Variants in PSMA6 observed in about 807,000 individuals in gnomAD.
PSMA6 encodes proteasome 20S subunit alpha 6.
For synonymous variants in PSMA6, 88 were observed against 97.7 expected (o/e 0.90, Z 0.59); for missense variants, 170 against 294.8 (o/e 0.58, Z 3.10).
At chr14:35,312,858 A>T (rs745393859) in intron 4 of PSMA6, 23 bp from the exon 5 acceptor site, 9 of 1,559,762 alleles carry the variant, frequency 5.8e-6, no homozygotes, top group South Asian at 1.2e-5. Context: ...AAAACATTTA[A>T]TTAGGGTCTT....
intron 3 of PSMA6, among the ~76,000 whole-genome samples, chr14:35,309,718 C>T (rs1339025182): frequency 6.6e-6 from 1 of 152,222 alleles, no homozygotes; most frequent in Admixed American, 6.5e-5. Context: ...ATTGCTTGAA[C>T]TCGGGAGGCA....
In PSMA6 at chr14:35,310,819, G is replaced by A. The variant is rs1566562023; in HGVS notation, c.333G>A (p.Val111=). The part of the protein sequence containing the change: ...WKYKYGYEIP[V]DMLCKRIADI... ...ACAAGTATGGCTATGAGATTCCTGT[G>A]GACATGCTGTGTAAAAGAATTGCCG... Residue 111 remains valine, a synonymous_variant, in exon 4 of 7, where the codon GTG becomes GTA. Coordinates refer to ENST00000261479, the MANE Select transcript of PSMA6 (RefSeq NM_002791.3). The A allele has an allele frequency of 1.2e-6, 2 of 1,613,488 alleles. No homozygotes were observed. The highest frequency in any genetic ancestry group is 2.2e-5 in the East Asian group (1 of 44,884).
chr14:35,300,997 C>T (rs2051700658), intron 1 of PSMA6, among the ~76,000 whole-genome samples: 1 of 152,200 alleles, frequency 6.6e-6, no homozygotes. Context: ...ATTATAAGTC[C>T]AGAGCTAGAG....
chr14:35,292,276 A>G (rs1594376588), upstream of PSMA6: 6 of 1,384,022 alleles, frequency 4.3e-6, no homozygotes, highest in African/African-American at 7.5e-5. Flanking sequence ...TCCCGCCCTC[A>G]CTCCACCACC....
chr14:35,308,832 A>G lies in PSMA6; in HGVS notation c.172-82A>G, dbSNP rs1012556702. On this transcript the variant is annotated intron_variant, in intron 2 of 6. Transcript: ENST00000261479. ...TTGTTTTCTCCAAGAAGCAGGGCAA[A>G]TTAAAAACATAATTTTTTTTATAAC... 23 of 1,010,130 alleles carry G rather than the reference A, an allele frequency of 2.3e-5. No individual in the cohort carries two copies. In the Admixed American group the frequency reaches 4.5e-4, roughly 20 times the overall value. The allele number at this position is 1,010,130 out of a possible 1,614,324, so 62.6% of individuals were successfully genotyped here.
At chr14:35,296,746 TA>T (rs1472275445) in intron 1 of PSMA6, among the ~76,000 whole-genome samples, 1 of 152,202 alleles carries the variant, frequency 6.6e-6, no homozygotes, top group Non-Finnish European at 1.5e-5. Context: ...TTTTGCAATT[TA>T]AAAAATATTC....
At chr14:35,292,011 A>T (rs764278054), upstream of PSMA6, among the ~76,000 whole-genome samples, 16 of 152,094 alleles carry the variant, frequency 1.1e-4, no homozygotes, top group Non-Finnish European at 1.9e-4. Context: ...ATGAAAGTGG[A>T]GGATAAAAGA....
At chr14:35,303,075 G>A (rs2051747346) in intron 1 of PSMA6, among the ~76,000 whole-genome samples, 1 of 152,164 alleles carries the variant, frequency 6.6e-6, no homozygotes, top group South Asian at 2.1e-4. Flanking sequence ...GACTTGATTT[G>A]TTTTTTGGTA....
upstream of PSMA6, chr14:35,278,566 A>G (rs1259518165): frequency 1.3e-5 from 10 of 784,386 alleles, no homozygotes; most frequent in Non-Finnish European, 1.9e-5. Context: ...AGAGAATGTC[A>G]GTATCCAATA....
At chr14:35,298,332 A>G (rs2051638996) in intron 1 of PSMA6, among the ~76,000 whole-genome samples, 1 of 152,082 alleles carries the variant, frequency 6.6e-6, no homozygotes, top group African/African-American at 2.4e-5. Flanking sequence ...TGTACTAAAA[A>G]TACAAAAATT....
intron 6 of PSMA6, 51 bp downstream of exon 6, chr14:35,314,506 G>A (rs769598496): frequency 3.1e-5 from 48 of 1,549,586 alleles, no homozygotes; most frequent in Non-Finnish European, 4.1e-5. Flanking sequence ...AGGCGTGTGA[G>A]TCCATGTGTC....
chr14:35,285,339 C>CAAAAAAAAAAAAAAAA (rs758651038), intron 1 of PSMA6, among the ~76,000 whole-genome samples: 3 of 54,554 alleles, frequency 5.5e-5, no homozygotes, highest in African/African-American at 1.4e-4. Flanking sequence ...AACTCTATCT[C>CAAAAAAAAAAAAAAAA]AAAAAAAACA....
intron 1 of PSMA6, among the ~76,000 whole-genome samples, chr14:35,280,662 A>G (rs1162642146): frequency 2.0e-5 from 3 of 152,030 alleles, no homozygotes; most frequent in Non-Finnish European, 4.4e-5. Context: ...GATTACAGGC[A>G]TGAGCCACCA....
At chr14:35,302,916 C>T (rs2051743920) in intron 1 of PSMA6, among the ~76,000 whole-genome samples, 1 of 152,012 alleles carries the variant, frequency 6.6e-6, no homozygotes, top group Admixed American at 6.6e-5. Context: ...GAACATTTTC[C>T]ATCATGTCAT....
chr14:35,280,126 G>A (rs2051350330), intron 1 of PSMA6, among the ~76,000 whole-genome samples: 1 of 138,086 alleles, frequency 7.2e-6, no homozygotes, highest in African/African-American at 2.7e-5. Context: ...GCAAGACTCC[G>A]TCTCAAAAAA....
intron 1 of PSMA6, among the ~76,000 whole-genome samples, chr14:35,279,000 A>T (rs2051336321): frequency 6.6e-6 from 1 of 152,102 alleles, no homozygotes; most frequent in Non-Finnish European, 1.5e-5. Flanking sequence ...CTGACAGAAA[A>T]TGAAAAATTT....
At chr14:35,281,070 A>G (rs796532047) in intron 1 of PSMA6, among the ~76,000 whole-genome samples, 107 of 152,262 alleles carry the variant, frequency 7.0e-4, no homozygotes, top group African/African-American at 2.4e-3. Context: ...TTCCTCACCC[A>G]GGAAGCCTCT....
At chr14:35,301,109 T>C (rs1223882797) in intron 1 of PSMA6, among the ~76,000 whole-genome samples, 1 of 152,150 alleles carries the variant, frequency 6.6e-6, no homozygotes. Context: ...GAAATACCAG[T>C]ATTTCAGGAG....
intron 1 of PSMA6, among the ~76,000 whole-genome samples, chr14:35,301,256 G>C (rs1444670716): frequency 6.6e-6 from 1 of 152,156 alleles, no homozygotes; most frequent in East Asian, 1.9e-4. Flanking sequence ...TATAATCCCA[G>C]CACTTTGGGA....
Sources: gnomAD v4.1 joint callset for allele counts (sites outside exome capture counted in the v4.1 genomes callset) on GRCh38, gnomAD v4.1.1 for gene constraint, MANE v1.5 for transcripts, NCBI Gene and HGNC (gene_info 2026-07-23, HGNC 2026-07-21) for gene names.